Variants in RAG1 observed in about 807,000 individuals in gnomAD.
RAG1 encodes recombination activating 1, also known as V(D)J recombination-activating protein 1.
Under a neutral mutation model 62.7 loss-of-function variants are expected in RAG1, and 35 were observed. That is an observed-to-expected ratio of 0.56 (90% CI 0.43 to 0.74). The LOEUF (loss-of-function observed/expected upper bound fraction) is 0.74, where lower values mean the gene tolerates loss of function less well. RAG1 is among the 30% of genes least tolerant of loss of function. The pLI is 0.00. For missense variants in RAG1, 1,169 were observed against 1,278.6 expected, an observed-to-expected ratio of 0.91 and a Z score of 1.31; for synonymous variants, 461 against 470.3, an observed-to-expected ratio of 0.98 and a Z score of 0.26.
At chr11:36,546,838 C>T (rs188090309) in intron 3 of RAG1, among the ~76,000 whole-genome samples, 1 of 152,132 alleles carries the variant, frequency 6.6e-6, no homozygotes, top group East Asian at 1.9e-4. Flanking sequence ...ACGTATGAAG[C>T]TTAGTTTGGC....
chr11:36,541,623 A>G (rs1860418925), intron 3 of RAG1, among the ~76,000 whole-genome samples: 1 of 152,156 alleles, frequency 6.6e-6, no homozygotes. Context: ...AACAGGAAAT[A>G]CTAGGCCCTT....
chr11:36,560,759 A>T (rs1850572360), intron 3 of RAG1, among the ~76,000 whole-genome samples: 1 of 151,988 alleles, frequency 6.6e-6, no homozygotes, highest in East Asian at 1.9e-4. Context: ...ACTGCTAGGG[A>T]TCTCCTGACT....
chr11:36,521,474 G>A (rs906864233), intron 2 of RAG1, among the ~76,000 whole-genome samples: 1 of 152,168 alleles, frequency 6.6e-6, no homozygotes, highest in Non-Finnish European at 1.5e-5. Flanking sequence ...TACCATGATT[G>A]TGAGGCCTCC....
At chr11:36,526,471 C>A (rs1860164724) in intron 2 of RAG1, among the ~76,000 whole-genome samples, 1 of 152,074 alleles carries the variant, frequency 6.6e-6, no homozygotes, top group Non-Finnish European at 1.5e-5. Flanking sequence ...TTTCTTTATC[C>A]AGTCTATCAT....
intron 1 of RAG1, among the ~76,000 whole-genome samples, chr11:36,572,938 G>A (rs1049576258): frequency 3.9e-5 from 6 of 152,122 alleles, no homozygotes; most frequent in African/African-American, 7.2e-5. Context: ...TACATTTACT[G>A]AACAAATAAC....
chr11:36,570,864 G>A (rs963153356), intron 1 of RAG1, among the ~76,000 whole-genome samples: 1 of 152,014 alleles, frequency 6.6e-6, no homozygotes, highest in African/African-American at 2.4e-5. Context: ...TTTTAAAATC[G>A]GATTATTAGA....
chr11:36,519,792 A>T (rs145703976), intron 1 of RAG1, among the ~76,000 whole-genome samples: 1 of 152,146 alleles, frequency 6.6e-6, no homozygotes, highest in Admixed American at 6.6e-5. Flanking sequence ...AAACCAAATG[A>T]ACATAACCCC....
Position 36,574,458 on chromosome 11 carries a change from T to C in RAG1, c.1154T>C (p.Ile385Thr), listed in dbSNP as rs141049427. The C allele has an allele frequency of 3.5e-5, 56 of 1,614,036 alleles. No individual in the cohort carries two copies. The African/African-American group carries it at 6.0e-4, about 17-fold the overall frequency. ...TCAAGTCACAAGGAATCAAAAGAGA[T>C]TTTTGTGCACATTAATAAAGGGGGC... ...HISSHKESKE[I>T]FVHINKGGRP... Residue 385 changes from isoleucine (I) to threonine (T), a missense_variant, in exon 2 of 2, where the codon ATT becomes ACT. Coordinates refer to ENST00000299440, the MANE Select transcript of RAG1 (RefSeq NM_000448.3).
intron 3 of RAG1, among the ~76,000 whole-genome samples, chr11:36,545,106 A>G (rs776017892): frequency 7.1e-5 from 10 of 140,304 alleles, no homozygotes; most frequent in Non-Finnish European, 1.0e-4. Flanking sequence ...TGTTCTCAGT[A>G]TTTTATTATT....
chr11:36,558,439 C>T (rs1307794612), intron 3 of RAG1, among the ~76,000 whole-genome samples: 1 of 152,176 alleles, frequency 6.6e-6, no homozygotes, highest in Admixed American at 6.5e-5. Flanking sequence ...CTTTACATAT[C>T]TGAGTTCTCT....
At chr11:36,561,092 G>T (rs1339627708) in intron 3 of RAG1, among the ~76,000 whole-genome samples, 1 of 152,150 alleles carries the variant, frequency 6.6e-6, no homozygotes, top group Admixed American at 6.5e-5. Flanking sequence ...TTATGGTGTT[G>T]CCCAATGTCT....
At chr11:36,517,999 C>T (rs946329793) in intron 1 of RAG1, among the ~76,000 whole-genome samples, 1 of 128,756 alleles carries the variant, frequency 7.8e-6, no homozygotes, top group African/African-American at 3.0e-5. Flanking sequence ...TCCCCCCACC[C>T]CACAACAGTT....
intron 1 of RAG1, among the ~76,000 whole-genome samples, chr11:36,519,848 T>C (rs1039996981): frequency 6.6e-6 from 1 of 152,050 alleles, no homozygotes; most frequent in Admixed American, 6.6e-5. Flanking sequence ...AAAAAGAAAT[T>C]CAAATTCACA....
chr11:36,527,887 G>T (rs1456809391), intron 2 of RAG1, among the ~76,000 whole-genome samples: 3 of 152,108 alleles, frequency 2.0e-5, no homozygotes, highest in Non-Finnish European at 4.4e-5. Flanking sequence ...CATTATTGGT[G>T]TATTGGGATG....
intron 2 of RAG1, among the ~76,000 whole-genome samples, chr11:36,522,697 A>G (rs995948845): frequency 6.6e-6 from 1 of 152,236 alleles, no homozygotes; most frequent in Non-Finnish European, 1.5e-5. Flanking sequence ...GAAAAGCTAC[A>G]GACATTCAAC....
intron 2 of RAG1, among the ~76,000 whole-genome samples, chr11:36,525,960 C>A (rs951614902): frequency 3.3e-5 from 5 of 152,140 alleles, no homozygotes; most frequent in African/African-American, 9.7e-5. Flanking sequence ...GTAATTGTGA[C>A]TTTTCTTGTC....
At chr11:36,557,923 C>T (rs1286490316) in intron 3 of RAG1, among the ~76,000 whole-genome samples, 4 of 152,132 alleles carry the variant, frequency 2.6e-5, no homozygotes, top group East Asian at 1.9e-4. Context: ...GTGTAAGTCT[C>T]AGGAGGTGAA....
upstream of RAG1, chr11:36,563,560 C>A: frequency 6.6e-6 from 1 of 152,024 alleles, no homozygotes; most frequent in Middle Eastern, 3.2e-3. Context: ...CAAAAATAAT[C>A]AGAAAATGAT....
chr11:36,549,416 C>T (rs985513196), intron 3 of RAG1, among the ~76,000 whole-genome samples: 4 of 152,156 alleles, frequency 2.6e-5, no homozygotes, highest in African/African-American at 7.2e-5. Context: ...GGAACTTAAA[C>T]AACTTTAAAA....
Sources: allele counts gnomAD v4.1 joint callset (sites outside exome capture counted in the v4.1 genomes callset), GRCh38; gene constraint gnomAD v4.1.1; transcripts MANE v1.5; gene names NCBI Gene and HGNC (gene_info 2026-07-23, HGNC 2026-07-21).